The following CHRDL2 variants were observed in gnomAD, a reference collection of about 807,000 sequenced individuals.
CHRDL2 encodes chordin-like protein 2.
CHRDL2 carries 41 observed loss-of-function variants against 54.3 expected under a neutral mutation model. The ratio of observed to expected loss-of-function variants is 0.76; its 90% CI spans 0.59 to 0.98. The LOEUF (loss-of-function observed/expected upper bound fraction) is 0.98. CHRDL2 is among the 50% of genes least tolerant of loss of function. The pLI is 0.00. For synonymous variants in CHRDL2, 220 were observed against 224.3 expected (o/e 0.98, Z 0.17); for missense variants, 518 against 562.4 (o/e 0.92, Z 0.80).
chr11:74,705,470 A>G (rs997890194), intron 6 of CHRDL2, among the ~76,000 whole-genome samples: 3 of 152,210 alleles, frequency 2.0e-5, no homozygotes, highest in African/African-American at 7.2e-5. Flanking sequence ...GCCTGAGCTC[A>G]CAAGAGCTCC....
intron 1 of CHRDL2, among the ~76,000 whole-genome samples, chr11:74,721,872 T>C (rs1230464366): frequency 6.6e-6 from 1 of 152,258 alleles, no homozygotes; most frequent in Non-Finnish European, 1.5e-5. Flanking sequence ...TTTCAACATT[T>C]GAAGACTCCA....
chr11:74,700,998 A>G (rs149091958), intron 9 of CHRDL2: 3 of 152,276 alleles, frequency 2.0e-5, no homozygotes, highest in South Asian at 2.1e-4. Context: ...CCAGCTGCAG[A>G]CGGAATCCCC....
chr11:74,706,619 T>G (rs12184431), intron 5 of CHRDL2, 77 bp from the exon 6 acceptor site: 1 of 1,382,306 alleles, frequency 7.2e-7, no homozygotes, highest in Non-Finnish European at 1.0e-6. Context: ...CCTCCACCTA[T>G]AGGCTCTGTC....
chr11:74,710,919 C>T lies in CHRDL2; in HGVS notation c.362G>A (p.Gly121Glu), dbSNP rs1384010656. Reference protein sequence around the residue: ...CQHNGTMYQHGEIFSAHELFP... With the variant: ...CQHNGTMYQHEEIFSAHELFP... ...CAGCTCATGGGCACTGAAGATCTCT[C>T]CGTGTTGGTACATGGTCCCGTTGTG... Residue 121 changes from glycine (G) to glutamate (E), a missense_variant, in exon 4 of 11, where the codon GGA becomes GAA. Physicochemically the swap from Gly to Glu is moderately conservative, Grantham distance 98. Transcript: ENST00000376332. 28 of 1,613,980 alleles carry T rather than the reference C, an allele frequency of 1.7e-5. No individual in the cohort carries two copies. The highest frequency in any genetic ancestry group is 2.3e-5 in the Non-Finnish European group (27 of 1,180,026).
At chr11:74,701,678 C>T in intron 9 of CHRDL2, 1 of 701,140 alleles carries the variant, frequency 1.4e-6, no homozygotes. Context: ...ATCTAACTCT[C>T]AGGATCGTTG....
intron 9 of CHRDL2, chr11:74,698,679 A>ACG (rs2033690394): frequency 2.8e-5 from 1 of 35,316 alleles, no homozygotes; most frequent in African/African-American, 2.9e-4. Context: ...GAACAAATAC[A>ACG]CACACACACA....
Position 74,710,882 on chromosome 11 carries a change from G to A in CHRDL2, c.399C>T (p.Arg133=), listed in dbSNP as rs1486759425. 4 of 1,614,020 alleles carry A rather than the reference G, an allele frequency of 2.5e-6. No homozygotes were observed. In the African/African-American group the frequency reaches 4.0e-5, roughly 16 times the overall value. Residue 133 remains arginine (R), a synonymous_variant, in exon 4 of 11, where the codon CGC becomes CGT. Transcript: ENST00000376332. The part of the protein sequence containing the change: ...IFSAHELFPS[R]LPNQCVLCSC... ...TGCAGAGGACACACTGGTTGGGCAGGCGGGAGGGGAACAGCTCATGGGCAC... is the reference window on the plus strand; with the variant it reads ...TGCAGAGGACACACTGGTTGGGCAGACGGGAGGGGAACAGCTCATGGGCAC...
At chr11:74,721,755 A>T (rs551262084) in intron 1 of CHRDL2, among the ~76,000 whole-genome samples, 65 of 152,294 alleles carry the variant, frequency 4.3e-4, no homozygotes, top group African/African-American at 1.5e-3. Context: ...ACATTCAGAG[A>T]CTCATCCTCC....
chr11:74,704,691 G>A (rs773784383), intron 6 of CHRDL2, 37 bp from the exon 7 acceptor site: 2 of 1,589,398 alleles, frequency 1.3e-6, no homozygotes, highest in South Asian at 2.3e-5. Flanking sequence ...CACTGACTGA[G>A]CATAGCAGGC....
chr11:74,730,492 T>TAGCC (rs947884895), intron 1 of CHRDL2, among the ~76,000 whole-genome samples: 7 of 152,188 alleles, frequency 4.6e-5, no homozygotes, highest in East Asian at 1.9e-4. Context: ...TCCTTACCTG[T>TAGCC]AGCCAGACAT....
chr11:74,703,559 G>A, intron 7 of CHRDL2, 60 bp from the exon 8 acceptor site: 3 of 1,436,066 alleles, frequency 2.1e-6, no homozygotes, highest in Non-Finnish European at 2.8e-6. Context: ...CAGGGCCTCT[G>A]GTCCAGCAGC....
In CHRDL2 at chr11:74,702,779, T is replaced by G. The variant is rs751048318; in HGVS notation, c.1120+15A>C. The G allele has an allele frequency of 2.5e-6, 4 of 1,613,456 alleles. No individual in the cohort carries two copies. Among genetic ancestry groups the G allele is most frequent in the Middle Eastern group, 1.7e-4 (1 of 6,014 alleles). ...GGCCAGAGGTACACCCCACTGGGAG[T>G]GGGCCAGCACTCACCTTTTACCAGC... On this transcript the variant is annotated intron_variant, in intron 9 of 10. Transcript: ENST00000376332.
At chr11:74,728,948 G>A (rs2034610478) in intron 1 of CHRDL2, among the ~76,000 whole-genome samples, 1 of 152,182 alleles carries the variant, frequency 6.6e-6, no homozygotes, top group Non-Finnish European at 1.5e-5. Flanking sequence ...ATACTGGCAG[G>A]ACCTGCTGAG....
chr11:74,730,240 A>G (rs1352808430), intron 1 of CHRDL2, among the ~76,000 whole-genome samples: 1 of 151,980 alleles, frequency 6.6e-6, no homozygotes, highest in Non-Finnish European at 1.5e-5. Flanking sequence ...CAGGGAATAA[A>G]GCATGGGATC....
intron 5 of CHRDL2, among the ~76,000 whole-genome samples, chr11:74,707,055 A>C (rs1208454356): frequency 6.6e-6 from 1 of 152,052 alleles, no homozygotes; most frequent in Non-Finnish European, 1.5e-5. Flanking sequence ...GCCAGTCCCT[A>C]TTCCCCTGGG....
rs142532438 is a variant in CHRDL2, at chr11:74,717,608, C to T, written c.195+1112G>A. ...GGAAAGACCCCAGGAGGAGTGAGAC[C>T]CCAGTGTCAAAGTCAGGAGGGGGGC... On this transcript the variant is annotated intron_variant, in intron 2 of 10. Transcript: ENST00000376332. Among the ~76,000 whole-genome samples the T allele has an allele frequency of 2.9e-3, 439 of 152,130 alleles. 3 individuals are homozygous for T. In the Middle Eastern group the frequency reaches 0.037, roughly 13 times the overall value.
intron 1 of CHRDL2, among the ~76,000 whole-genome samples, chr11:74,727,122 T>C (rs1301321982): frequency 2.0e-5 from 3 of 152,180 alleles, no homozygotes; most frequent in Non-Finnish European, 2.9e-5. Context: ...GTGTTAAAAC[T>C]AGAATGGTCC....
intron 2 of CHRDL2, 39 bp from the exon 3 acceptor site, chr11:74,713,518 C>T (rs1211523960): frequency 1.9e-5 from 29 of 1,525,532 alleles, no homozygotes; most frequent in Non-Finnish European, 2.5e-5. Context: ...TTCAAAGAAC[C>T]ATCGTCTTCC....
intron 9 of CHRDL2, among the ~76,000 whole-genome samples, chr11:74,700,643 AT>A (rs10661880): frequency 3.5e-4 from 47 of 136,018 alleles, no homozygotes; most frequent in East Asian, 8.2e-4. Flanking sequence ...TATTATTATT[AT>A]TTTTTTTTTT....
Sources: gnomAD v4.1 joint callset for allele counts (sites outside exome capture counted in the v4.1 genomes callset) on GRCh38, gnomAD v4.1.1 for gene constraint, MANE v1.5 for transcripts, NCBI Gene and HGNC (gene_info 2026-07-23, HGNC 2026-07-21) for gene names.